The following NBPF3 variants were observed in gnomAD, a reference collection of about 807,000 sequenced individuals.
NBPF3 encodes the protein NBPF member 3.
A neutral mutation model predicts 78.1 loss-of-function variants in NBPF3; 57 were observed. The ratio of observed to expected loss-of-function variants is 0.73; its 90% CI spans 0.59 to 0.91. NBPF3 has a LOEUF of 0.91. Among genes scored for constraint, NBPF3 ranks in the 40% least tolerant of loss-of-function variants. NBPF3 has a pLI of 0.00. For missense variants in NBPF3, 510 were observed against 715.3 expected, an observed-to-expected ratio of 0.71 and a Z score of 3.27; for synonymous variants, 182 against 271.7, an observed-to-expected ratio of 0.67 and a Z score of 3.25.
intron 2 of NBPF3, among the ~76,000 whole-genome samples, chr1:21,463,732 A>G (rs374454): frequency 1.3e-5 from 2 of 152,250 alleles, no homozygotes; most frequent in African/African-American, 4.8e-5. Flanking sequence ...TACCTAGAGT[A>G]TATAAGGAAT....
At position 21,471,816 on chromosome 1, in the gene NBPF3, C is replaced by T. The variant is rs1642614672; in HGVS notation, c.661+33C>T. On this transcript the variant is annotated intron_variant, in intron 5 of 14. Transcript: ENST00000318249. Reference sequence around the variant, plus strand: ...GGCCATAGGCCCTGATGACCCAAAACCCCAGGCTTATGAGAGACTTCAGAC... The same window carrying T: ...GGCCATAGGCCCTGATGACCCAAAATCCCAGGCTTATGAGAGACTTCAGAC... 4 of 1,609,850 alleles carry T rather than the reference C, an allele frequency of 2.5e-6. No individual in the cohort carries two copies. In the South Asian group the frequency reaches 3.3e-5, roughly 13 times the overall value.
At chr1:21,444,846 T>C (rs946922870) in intron 1 of NBPF3, 102 bp from the exon 2 acceptor site, 5 of 425,250 alleles carry the variant, frequency 1.2e-5, no homozygotes, top group African/African-American at 2.0e-5. Flanking sequence ...AACCTGCTCT[T>C]CCCTGGGTCT....
At chr1:21,458,337 A>C (rs1359713723) in intron 2 of NBPF3, among the ~76,000 whole-genome samples, 1 of 147,670 alleles carries the variant, frequency 6.8e-6, no homozygotes, top group East Asian at 2.0e-4. Flanking sequence ...CTTTGGTTAC[A>C]TTCCAGCCTT....
At chr1:21,450,156 T>A (rs1213539967) in intron 2 of NBPF3, among the ~76,000 whole-genome samples, 1 of 103,748 alleles carries the variant, frequency 9.6e-6, no homozygotes, top group Non-Finnish European at 2.2e-5. Flanking sequence ...GGGCTGGCTG[T>A]GTTTTTTTTC....
chr1:21,449,411 A>G (rs10916994), intron 2 of NBPF3, among the ~76,000 whole-genome samples: 2 of 152,216 alleles, frequency 1.3e-5, no homozygotes, highest in South Asian at 4.1e-4. Context: ...GAAAATCGAG[A>G]TGATACATTT....
chr1:21,474,210 C>CTTTTTCT (rs1553396422), intron 7 of NBPF3, among the ~76,000 whole-genome samples: 4 of 143,890 alleles, frequency 2.8e-5, no homozygotes, highest in Non-Finnish European at 4.5e-5. Flanking sequence ...TTTTCTTTTT[C>CTTTTTCT]TTTTTTTTTT....
intron 2 of NBPF3, among the ~76,000 whole-genome samples, chr1:21,448,004 T>G (rs1371745455): frequency 1.3e-5 from 2 of 152,210 alleles, no homozygotes; most frequent in African/African-American, 4.8e-5. Context: ...GTTGTTTAGT[T>G]CTCAGAATTC....
intron 2 of NBPF3, among the ~76,000 whole-genome samples, chr1:21,455,927 C>G (rs112726957): frequency 1.3e-5 from 2 of 152,146 alleles, no homozygotes; most frequent in Non-Finnish European, 2.9e-5. Context: ...GGGAAGAACT[C>G]ATGCACACCT....
At position 21,448,302 on chromosome 1, in the gene NBPF3, G is replaced by T. The variant is rs185541473; in HGVS notation, c.133+3083G>T. 5.9e-5 allele frequency among the ~76,000 whole-genome samples: 9 copies of T among 151,854 alleles called. No homozygotes were observed. In the East Asian group the frequency reaches 9.7e-4, roughly 16 times the overall value. Reference sequence around the variant, plus strand: ...ACATGTAAGATTTATTTTATAAAGGGTATAACATGCATACCTGGATTTATT... The same window carrying T: ...ACATGTAAGATTTATTTTATAAAGGTTATAACATGCATACCTGGATTTATT... On this transcript the variant is annotated intron_variant, in intron 2 of 14. Transcript: ENST00000318249.
chr1:21,479,999 G>T (rs1321103196), intron 10 of NBPF3, 52 bp from the exon 11 acceptor site: 1 of 875,114 alleles, frequency 1.1e-6, no homozygotes, highest in Non-Finnish European at 2.0e-6. Flanking sequence ...AGCTGGGGCT[G>T]TGTGGTTTCT....
intron 2 of NBPF3, chr1:21,451,848 AT>A (rs1197599091): frequency 1.6e-6 from 1 of 621,210 alleles, no homozygotes; most frequent in Non-Finnish European, 2.1e-6. Context: ...CTAGTTGGGA[AT>A]CCAGTGTTAA....
At chr1:21,442,680 TTC>T (rs1491505332) in intron 1 of NBPF3, among the ~76,000 whole-genome samples, 1 of 151,724 alleles carries the variant, frequency 6.6e-6, no homozygotes, top group African/African-American at 2.4e-5. Flanking sequence ...TTTTTTTTTT[TTC>T]AGACAGGGCC....
chr1:21,459,714 A>G, intron 2 of NBPF3: 1 of 376,458 alleles, frequency 2.7e-6, no homozygotes, highest in Non-Finnish European at 5.5e-6. Context: ...TTTCTTGTTG[A>G]TGAAACTGCC....
chr1:21,478,268 G>C lies in NBPF3; in HGVS notation c.1117G>C (p.Val373Leu). 6.2e-7 allele frequency: 1 copy of C among 1,614,178 alleles called. No individual in the cohort carries two copies. ...GTCTGACAGGAGCACCTTTCACTCA[G>C]TAGAGGAACAGCAAGTCGGCTTGGC... Reference protein sequence around the residue: ...YQSDRSTFHSVEEQQVGLALD... With the variant: ...YQSDRSTFHSLEEQQVGLALD... Residue 373 changes from valine (V) to leucine (L), a missense_variant, in exon 9 of 15, where the codon GTA (valine) becomes CTA (leucine). Around this residue, in one of 5 missense-constraint regions of NBPF3, gnomAD observed 440 missense variants for 478.2 expected, o/e 0.92. Transcript: ENST00000318249.
chr1:21,449,920 CATTGATTGATTG>C (rs34361598), intron 2 of NBPF3: 1 of 264,390 alleles, frequency 3.8e-6, no homozygotes, highest in Non-Finnish European at 5.9e-6. Context: ...GTAGTTCTTT[CATTGATTGATTG>C]ATTGATTGAT....
intron 2 of NBPF3, among the ~76,000 whole-genome samples, chr1:21,463,798 G>A (rs1392209617): frequency 6.6e-6 from 1 of 152,188 alleles, no homozygotes; most frequent in Non-Finnish European, 1.5e-5. Flanking sequence ...AAAAAGCTGT[G>A]AGTAGAGGTT....
chr1:21,436,943 C>A (rs1640438196), upstream of NBPF3: 2 of 378,570 alleles, frequency 5.3e-6, no homozygotes, highest in Admixed American at 9.2e-5. The surrounding 1 kb of genome is among the most constrained non-coding windows in gnomAD (Gnocchi z 4.3). Flanking sequence ...GCAGCCAGAG[C>A]CCTGAGAAAT....
intron 2 of NBPF3, chr1:21,459,806 G>A (rs1287943833): frequency 6.9e-6 from 2 of 289,542 alleles, no homozygotes; most frequent in Non-Finnish European, 1.5e-5. Context: ...GGGCTCCACC[G>A]ATGCTCTTCG....
At position 21,478,191 on chromosome 1, in the gene NBPF3, A is replaced by G; in HGVS notation, c.1040A>G (p.Asp347Gly). 1 of 1,614,122 alleles carries G rather than the reference A, an allele frequency of 6.2e-7. No homozygotes were observed. The highest frequency in any genetic ancestry group is 8.5e-7 in the Non-Finnish European group (1 of 1,180,040). ...EEEEAPQESW[D>G]EGDWTLSIPP... ...GAGGAAGCCCCCCAGGAGTCCTGGG[A>G]TGAAGGTGATTGGACTCTCTCAATT... Residue 347 changes from aspartate to glycine, a missense_variant, in exon 9 of 15, where the codon GAT (aspartate) becomes GGT (glycine). By Grantham distance (94) the Asp-to-Gly change is moderately conservative. Around this residue, in one of 5 missense-constraint regions of NBPF3, gnomAD observed 440 missense variants for 478.2 expected, o/e 0.92. Transcript: ENST00000318249.
Sources: allele counts gnomAD v4.1 joint callset (sites outside exome capture counted in the v4.1 genomes callset), GRCh38; gene constraint gnomAD v4.1.1; regional missense constraint gnomAD v4.1.1; non-coding constraint Gnocchi (gnomAD v3.1); transcripts MANE v1.5; gene names NCBI Gene and HGNC (gene_info 2026-07-23, HGNC 2026-07-21).